The following COL22A1 variants were observed in gnomAD, a reference collection of about 807,000 sequenced individuals.
The protein encoded by COL22A1 is collagen alpha-1(XXII) chain.
COL22A1 carries 221 observed loss-of-function variants against 248.9 expected under a neutral mutation model. The observed-to-expected ratio is 0.89, with a 90% confidence interval of 0.80 to 0.99. COL22A1 has a LOEUF of 0.99. Ranked by LOEUF, COL22A1 falls within the 50% of genes least tolerant of loss-of-function variation. COL22A1 has a pLI of 0.00. For synonymous variants in COL22A1, 891 were observed against 793.4 expected (o/e 1.12, Z -2.07); for missense variants, 2,240 against 2,179.0 (o/e 1.03, Z -0.56).
chr8:138,602,879 C>T (rs775009370), intron 59 of COL22A1, among the ~76,000 whole-genome samples: 3 of 152,234 alleles, frequency 2.0e-5, no homozygotes, highest in Non-Finnish European at 2.9e-5. Context: ...TCCATTCTCA[C>T]GCATGGGTTA....
intron 58 of COL22A1, among the ~76,000 whole-genome samples, chr8:138,605,588 G>T (rs1399290694): frequency 6.6e-6 from 1 of 152,158 alleles, no homozygotes; most frequent in East Asian, 1.9e-4. Context: ...TGGCAGTGGG[G>T]CATGCAGAGG....
chr8:138,721,497 C>A (rs887718439), intron 26 of COL22A1, among the ~76,000 whole-genome samples: 1 of 152,200 alleles, frequency 6.6e-6, no homozygotes, highest in Admixed American at 6.5e-5. Context: ...CCCACCAGAA[C>A]ATTGTTAAAA....
intron 18 of COL22A1, among the ~76,000 whole-genome samples, chr8:138,759,629 G>C (rs1223673663): frequency 6.6e-6 from 1 of 152,122 alleles, no homozygotes; most frequent in Non-Finnish European, 1.5e-5. Context: ...CATTTTTGTA[G>C]GCCCTTCACA....
intron 27 of COL22A1, among the ~76,000 whole-genome samples, chr8:138,718,621 A>G (rs952711916): frequency 5.9e-5 from 9 of 152,240 alleles, no homozygotes; most frequent in African/African-American, 2.2e-4. Flanking sequence ...CATCTTGGAA[A>G]ATAATTTTTA....
chr8:138,720,425 G>T (rs1249093752), intron 27 of COL22A1, among the ~76,000 whole-genome samples: 2 of 152,020 alleles, frequency 1.3e-5, no homozygotes, highest in Non-Finnish European at 2.9e-5. Context: ...CGGCTCTCAA[G>T]GGGGTGGGGG....
chr8:138,745,321 C>A (rs1357924607), intron 22 of COL22A1, among the ~76,000 whole-genome samples: 1 of 151,982 alleles, frequency 6.6e-6, no homozygotes, highest in Non-Finnish European at 1.5e-5. Flanking sequence ...GAGCCATCCC[C>A]TGTGGAAGGT....
chr8:138,820,195 C>T (rs10113304), intron 7 of COL22A1, among the ~76,000 whole-genome samples: 6,120 of 152,176 alleles, frequency 0.04, 413 homozygotes, highest in African/African-American at 0.14. Context: ...CTATCCTATG[C>T]GTAATGGTAC....
At chr8:138,759,281 G>C (rs940919676) in intron 18 of COL22A1, among the ~76,000 whole-genome samples, 5 of 152,136 alleles carry the variant, frequency 3.3e-5, no homozygotes, top group Non-Finnish European at 7.4e-5. Context: ...CCCATATTTA[G>C]AGCATATGCT....
At chr8:138,811,727 C>CAT (rs1818246203) in intron 9 of COL22A1, 72 bp downstream of exon 9, 3 of 1,591,090 alleles carry the variant, frequency 1.9e-6, no homozygotes, top group Non-Finnish European at 2.6e-6. Flanking sequence ...TGAAAGGCCA[C>CAT]ATGCATGATG....
At chr8:138,898,809 A>G (rs989647310) in intron 1 of COL22A1, among the ~76,000 whole-genome samples, 5 of 151,930 alleles carry the variant, frequency 3.3e-5, no homozygotes, top group African/African-American at 1.2e-4. Flanking sequence ...GTGGAGACCA[A>G]GCCTCCTTTC....
At chr8:138,739,017 G>A (rs2131266364) in intron 22 of COL22A1, among the ~76,000 whole-genome samples, 1 of 152,240 alleles carries the variant, frequency 6.6e-6, no homozygotes, top group Non-Finnish European at 1.5e-5. Context: ...TCTCTCCCCA[G>A]AACCACTGCA....
intron 18 of COL22A1, among the ~76,000 whole-genome samples, chr8:138,758,558 G>A (rs1219569240): frequency 6.6e-6 from 1 of 152,156 alleles, no homozygotes; most frequent in Non-Finnish European, 1.5e-5. Flanking sequence ...TTCACTTTGG[G>A]GCTTGGGCAA....
intron 27 of COL22A1, among the ~76,000 whole-genome samples, chr8:138,719,868 T>C (rs1829738391): frequency 6.6e-6 from 1 of 152,186 alleles, no homozygotes; most frequent in African/African-American, 2.4e-5. Flanking sequence ...TGGGTTTCAG[T>C]AGCTCATACC....
chr8:138,881,497 A>G (rs1455053361), intron 2 of COL22A1, among the ~76,000 whole-genome samples: 14 of 152,134 alleles, frequency 9.2e-5, no homozygotes, highest in Admixed American at 9.2e-4. Context: ...CGTCTTGGCT[A>G]ACACGGTGAA....
chr8:138,867,782 A>T lies in COL22A1; in HGVS notation c.658+9968T>A, dbSNP rs896191238. 2.6e-5 allele frequency among the ~76,000 whole-genome samples: 4 copies of T among 152,216 alleles called. No homozygotes were observed. In the East Asian group the frequency reaches 7.7e-4, roughly 29 times the overall value. On this transcript the variant is annotated intron_variant, in intron 3 of 64. Coordinates refer to ENST00000303045, the MANE Select transcript of COL22A1 (RefSeq NM_152888.3). ...TTATTTATTGTTTGTTTATTTATTTATTTGAGACGAAGTCCTACTCTGTCG... is the reference window on the plus strand; with the variant it reads ...TTATTTATTGTTTGTTTATTTATTTTTTTGAGACGAAGTCCTACTCTGTCG...
intron 22 of COL22A1, among the ~76,000 whole-genome samples, chr8:138,750,335 T>C (rs987861696): frequency 1.3e-5 from 2 of 152,184 alleles, no homozygotes; most frequent in Admixed American, 6.5e-5. Context: ...ATTTGTAGAA[T>C]TTTGAGAATT....
At chr8:138,637,957 G>T (rs149169871) in intron 47 of COL22A1, among the ~76,000 whole-genome samples, 108 of 150,936 alleles carry the variant, frequency 7.2e-4, no homozygotes, top group Admixed American at 2.0e-3. Context: ...TTCCATCACC[G>T]TCATCATCCT....
chr8:138,843,066 A>G (rs974179115), intron 4 of COL22A1, among the ~76,000 whole-genome samples: 26 of 152,168 alleles, frequency 1.7e-4, no homozygotes, highest in Admixed American at 1.3e-3. Context: ...GGAGCAGTAG[A>G]GCCGGGTGCT....
At chr8:138,864,010 A>AAC (rs1822681272) in intron 3 of COL22A1, among the ~76,000 whole-genome samples, 3 of 152,236 alleles carry the variant, frequency 2.0e-5, no homozygotes, top group South Asian at 2.1e-4. Context: ...AAAAAAGAAA[A>AAC]ACAGCAATGC....
Sources: allele counts gnomAD v4.1 joint callset (sites outside exome capture counted in the v4.1 genomes callset), GRCh38; gene constraint gnomAD v4.1.1; transcripts MANE v1.5; gene names NCBI Gene and HGNC (gene_info 2026-07-23, HGNC 2026-07-21).